MTSS2: variants seen among roughly 807,000 people sequenced by gnomAD.
The protein encoded by MTSS2 is MTSS I-BAR domain containing 2, also known as protein MTSS 2.
Under a neutral mutation model 67.1 loss-of-function variants are expected in MTSS2, and 27 were observed. The ratio of observed to expected loss-of-function variants is 0.40; its 90% CI spans 0.30 to 0.55. MTSS2 has a LOEUF of 0.55. Ranked by LOEUF, MTSS2 falls within the 20% of genes least tolerant of loss-of-function variation. The probability of loss-of-function intolerance (pLI) is 0.43; values close to 1 mark genes in which losing one functional copy is unlikely to be tolerated. For synonymous variants in MTSS2, 624 were observed against 468.6 expected, an observed-to-expected ratio of 1.33 and a Z score of -4.28; for missense variants, 1,171 against 1,067.8, an observed-to-expected ratio of 1.10 and a Z score of -1.35.
In MTSS2 at chr16:70,665,493, G is replaced by A. The variant is rs773071224; in HGVS notation, c.1101C>T (p.Ser367=). ...ASSEASETCQ[S]VSECSSPTSD... is the part of the protein sequence containing the mutation. ...AGGTGGGGGAGCTGCACTCGCTAAC[G>A]GACTGGCAGGTTTCCGAGGCCTCGG... Residue 367 remains serine (S), a synonymous_variant, in exon 12 of 15, where the codon TCC becomes TCT. Transcript: ENST00000338779. 56 of 1,554,120 alleles carry A rather than the reference G, an allele frequency of 3.6e-5. No individual in the cohort carries two copies. Among genetic ancestry groups the A allele is most frequent in the Non-Finnish European group, 4.3e-5 (50 of 1,150,142 alleles).
intron 5 of MTSS2, 31 bp downstream of exon 5, chr16:70,679,755 G>T: frequency 6.2e-7 from 1 of 1,610,170 alleles, no homozygotes; most frequent in African/African-American, 1.3e-5. Context: ...CGGAGTGGGG[G>T]GTGGGAAGCC....
Position 70,664,417 on chromosome 16 carries a change from C to T in MTSS2, c.1504G>A (p.Asp502Asn), listed in dbSNP as rs1176019114. 3 of 1,548,548 alleles carry T rather than the reference C, an allele frequency of 1.9e-6. No individual in the cohort carries two copies. In the African/African-American group the frequency reaches 4.1e-5, roughly 21 times the overall value. Reference protein sequence around the residue: ...SDYDCYSVNGDADSEGPPEFD... With the variant: ...SDYDCYSVNGNADSEGPPEFD... The stretch of plus-strand genomic sequence containing the variant: ...TCGGGCGGGCCCTCGCTGTCCGCAT[C>T]CCCATTCACGGAGTAGCAGTCGTAG... Residue 502 changes from aspartate (D) to asparagine (N), a missense_variant, in exon 15 of 15, where the codon GAT becomes AAT. Physicochemically the swap from Asp to Asn is conservative, Grantham distance 23. This residue lies in a region of MTSS2 where 924 missense variants were observed against 756.0 expected (regional missense o/e 1.22). Coordinates refer to ENST00000338779, the MANE Select transcript of MTSS2 (RefSeq NM_138383.3).
intron 11 of MTSS2, among the ~76,000 whole-genome samples, chr16:70,666,275 T>G (rs923254662): frequency 1.3e-5 from 2 of 151,884 alleles, no homozygotes; most frequent in Admixed American, 6.6e-5. Context: ...CGAGGAGAAC[T>G]GCTACCATAG....
At chr16:70,669,489 C>T (rs1434302381) in intron 11 of MTSS2, among the ~76,000 whole-genome samples, 1 of 152,002 alleles carries the variant, frequency 6.6e-6, no homozygotes, top group Non-Finnish European at 1.5e-5. Context: ...ATGAGGCCAG[C>T]CTGGGCAACA....
chr16:70,661,796 C>T lies in MTSS2; in HGVS notation c.*1881G>A, dbSNP rs746399743. On this transcript the variant is annotated 3_prime_UTR_variant, in exon 15 of 15. Transcript: ENST00000338779. ...CCTCCTTTCCCATCAGGACCTCTGACGCCCAGGTCTGCCCACCCACTGCCC... is the reference window on the plus strand; with the variant it reads ...CCTCCTTTCCCATCAGGACCTCTGATGCCCAGGTCTGCCCACCCACTGCCC... 188 of 176,472 alleles carry T rather than the reference C, an allele frequency of 1.1e-3. 1 individual carries two copies. The highest frequency in any genetic ancestry group is 8.4e-4 in the African/African-American group (35 of 41,748). 10.9% of individuals were successfully genotyped at this position (176,472 alleles called of 1,614,324 possible). A position where few individuals can be genotyped will look rare whatever the true frequency, so the allele number is the denominator to read the frequency against.
chr16:70,671,905 G>A (rs2052949581), intron 11 of MTSS2, among the ~76,000 whole-genome samples: 1 of 152,192 alleles, frequency 6.6e-6, no homozygotes, highest in Non-Finnish European at 1.5e-5. Context: ...TGAATGAAAA[G>A]GCATCAGACA....
chr16:70,662,980 G>A lies in MTSS2; in HGVS notation c.*697C>T, dbSNP rs1210212904. On this transcript the variant is annotated 3_prime_UTR_variant, in exon 15 of 15. Coordinates refer to ENST00000338779, the MANE Select transcript of MTSS2 (RefSeq NM_138383.3). The stretch of plus-strand genomic sequence containing the variant: ...CTGGCCCCCTCCAGCCAGCCTCACG[G>A]GGTGGGGGAGGCGAGGGGTGGGAGC... 1 of 152,786 alleles carries A rather than the reference G, an allele frequency of 6.5e-6. No individual in the cohort carries two copies. Among genetic ancestry groups the A allele is most frequent in the Non-Finnish European group, 1.5e-5 (1 of 68,554 alleles). The allele number at this position is 152,786 out of a possible 1,614,324, so 9.5% of individuals were successfully genotyped here. A position where few individuals can be genotyped will look rare whatever the true frequency, so the allele number is the denominator to read the frequency against.
At position 70,674,315 on chromosome 16, in the gene MTSS2, G is replaced by C. The variant is rs201542686; in HGVS notation, c.1044C>G (p.Ile348Met). ...SKPPSPMPSDITSQKSSSSAS... is the reference protein window; with the variant it reads ...SKPPSPMPSDMTSQKSSSSAS... ...CCTAACGCCCCCTCACCTGGCTGGT[G>C]ATGTCTGAAGGCATAGGCGAGGGGG... Residue 348 changes from isoleucine to methionine, a missense_variant, in exon 11 of 15, where the codon ATC becomes ATG. Ile to Met is a conservative substitution (Grantham distance 10). Transcript: ENST00000338779. 6.2e-7 allele frequency: 1 copy of C among 1,613,378 alleles called. No individual in the cohort carries two copies. The highest frequency in any genetic ancestry group is 1.3e-5 in the African/African-American group (1 of 74,940).
At chr16:70,665,291 G>A (rs1369003919) in intron 12 of MTSS2, 175 bp downstream of exon 12, 2 of 902,620 alleles carry the variant, frequency 2.2e-6, no homozygotes, top group African/African-American at 1.7e-5. Context: ...AGATGTGGCT[G>A]TGTGGGCAGT....
intron 11 of MTSS2, among the ~76,000 whole-genome samples, chr16:70,669,350 G>A (rs541650313): frequency 6.6e-6 from 1 of 152,274 alleles, no homozygotes; most frequent in South Asian, 2.1e-4. Flanking sequence ...GATTTAAAAA[G>A]GTCCTTCATG....
rs1350248756 is a variant in MTSS2, at chr16:70,665,372, C to T, written c.1128+94G>A. 6 of 1,351,912 alleles carry T rather than the reference C, an allele frequency of 4.4e-6. No homozygotes were observed. In the Admixed American group the frequency reaches 1.3e-4, roughly 29 times the overall value. 83.7% of individuals were successfully genotyped at this position (1,351,912 alleles called of 1,614,324 possible). On this transcript the variant is annotated intron_variant, in intron 12 of 14. Coordinates refer to ENST00000338779, the MANE Select transcript of MTSS2 (RefSeq NM_138383.3). ...TGTGTGCACGCACCCCTGGCTGAAC[C>T]CAGGCCCTTTGTGCAGTAATGGCAC... is the stretch of plus-strand genomic sequence containing the variant.
chr16:70,680,918 G>GCCCCCCC, intron 2 of MTSS2, 46 bp downstream of exon 2: 6 of 1,096,702 alleles, frequency 5.5e-6, no homozygotes, highest in Non-Finnish European at 8.1e-6. Flanking sequence ...CGGGGGGGGG[G>GCCCCCCC]CCTCTGCCTG....
intron 12 of MTSS2, 134 bp downstream of exon 12, chr16:70,665,332 C>T (rs1180359950): frequency 1.9e-6 from 2 of 1,053,746 alleles, no homozygotes; most frequent in Non-Finnish European, 2.7e-6. Context: ...TGGCTTGTCT[C>T]TTGGGGACAG....
chr16:70,679,835 G>A lies in MTSS2; in HGVS notation c.333C>T (p.Ile111=). The part of the protein sequence containing the change: ...ESLINPLQER[I]EDWKKAANQL... ...GGTTGGCCGCCTTCTTCCAGTCCTC[G>A]ATGCGCTCCTGCAGCGGGTTGATGA... The change falls in exon 5 of 15, where the codon ATC becomes ATT. Residue 111 remains isoleucine, a synonymous_variant. Transcript: ENST00000338779. The A allele has an allele frequency of 3.1e-6, 5 of 1,606,998 alleles. No individual in the cohort carries two copies. The highest frequency in any genetic ancestry group is 4.2e-6 in the Non-Finnish European group (5 of 1,179,618).
Position 70,663,470 on chromosome 16 carries a change from G to C in MTSS2, c.*207C>G, listed in dbSNP as rs901264706. 58 of 963,294 alleles carry C rather than the reference G, an allele frequency of 6.0e-5. 1 individual carries two copies. The African/African-American group carries it at 8.6e-4, about 14-fold the overall frequency. 59.7% of individuals were successfully genotyped at this position (963,294 alleles called of 1,614,324 possible). On this transcript the variant is annotated 3_prime_UTR_variant, in exon 15 of 15. Coordinates refer to ENST00000338779, the MANE Select transcript of MTSS2 (RefSeq NM_138383.3). ...CAGACCCCGAACCAGGCCCAGGCCT[G>C]CAGGCTCCGTCCTGGCCAGGCTTGC...
intron 3 of MTSS2, 48 bp from the exon 4 acceptor site, chr16:70,680,103 AG>A: frequency 7.6e-7 from 1 of 1,312,876 alleles, no homozygotes; most frequent in South Asian, 1.8e-5. Context: ...GGGCCTGCGC[AG>A]TCCCGGCCTC....
chr16:70,665,854 G>A (rs1306670813), intron 11 of MTSS2: 1 of 258,124 alleles, frequency 3.9e-6, no homozygotes, highest in Non-Finnish European at 7.4e-6. Context: ...GATACTAAGG[G>A]CGGCAGCTGG....
intron 4 of MTSS2, 38 bp downstream of exon 4, chr16:70,679,933 T>TCCCCCCCCC: frequency 3.5e-6 from 4 of 1,149,434 alleles, no homozygotes; most frequent in Non-Finnish European, 5.0e-6. Context: ...CGACGCCCCG[T>TCCCCCCCCC]CCCCCCGCCC....
Position 70,674,519 on chromosome 16 carries a change from G to T in MTSS2, c.840C>A (p.Ser280Arg), listed in dbSNP as rs374908099. ...SRKSSMCSAP[S>R]SSSSAKGGGA... ...CGCCACCCTTGGCACTGCTACTGCT[G>T]CTGGGGGCACTAGGGGAGTGAAGGA... The change falls in exon 11 of 15, where the codon AGC becomes AGA. Residue 280 changes from serine (S) to arginine (R), a missense_variant. Transcript: ENST00000338779. 19 of 1,612,908 alleles carry T rather than the reference G, an allele frequency of 1.2e-5. No homozygotes were observed. The highest frequency in any genetic ancestry group is 1.4e-5 in the Non-Finnish European group (17 of 1,179,938).
Sources: gnomAD v4.1 joint callset for allele counts (sites outside exome capture counted in the v4.1 genomes callset) on GRCh38, gnomAD v4.1.1 for gene constraint, gnomAD v4.1.1 regional missense constraint, MANE v1.5 for transcripts, NCBI Gene and HGNC (gene_info 2026-07-23, HGNC 2026-07-21) for gene names.